The following MGST2 variants were observed in gnomAD, a reference collection of about 807,000 sequenced individuals.
MGST2 encodes microsomal glutathione S-transferase 2, also known as glutathione peroxidase MGST2.
Under a neutral mutation model 16.6 loss-of-function variants are expected in MGST2, and 9 were observed. The observed-to-expected ratio is 0.54, with a 90% CI of 0.33 to 0.95. The LOEUF (loss-of-function observed/expected upper bound fraction) is 0.95. Among genes scored for constraint, MGST2 ranks in the 40% least tolerant of loss-of-function variants. The pLI is 0.03. For synonymous variants in MGST2, 79 were observed against 68.0 expected, an observed-to-expected ratio of 1.16 and a Z score of -0.79; for missense variants, 159 against 175.1, an observed-to-expected ratio of 0.91 and a Z score of 0.52.
chr4:139,719,469 C>T lies in MGST2; in HGVS notation c.*48+15273C>T, dbSNP rs1354411155. 11 of 1,613,888 alleles carry T rather than the reference C, an allele frequency of 6.8e-6. No individual in the cohort carries two copies. In the Admixed American group the frequency reaches 1.8e-4, roughly 27 times the overall value. ...TCGCCACTGTAATTGTATGACACGTCCTGAGGGGCATTCCGCTCATAGGCT... is the reference window on the plus strand; with the variant it reads ...TCGCCACTGTAATTGTATGACACGTTCTGAGGGGCATTCCGCTCATAGGCT... On this transcript the variant is annotated intron_variant, in intron 5 of 5. Coordinates refer to the MGST2 transcript ENST00000616265.
chr4:139,673,006 C>A (rs1478026803), intron 1 of MGST2, among the ~76,000 whole-genome samples: 1 of 152,162 alleles, frequency 6.6e-6, no homozygotes, highest in African/African-American at 2.4e-5. Context: ...AGGGGGAGAT[C>A]ATATCCTGTT....
At chr4:139,742,165 TTGA>T (rs1355897906), downstream of MGST2, among the ~76,000 whole-genome samples, 2 of 147,814 alleles carry the variant, frequency 1.4e-5, no homozygotes, top group Non-Finnish European at 3.0e-5. Flanking sequence ...TTTTTTTTTT[TTGA>T]GAGAGAGTCT....
At chr4:139,720,269 C>G (rs747076119) in intron 5 of MGST2, 1 of 1,587,176 alleles carries the variant, frequency 6.3e-7, no homozygotes, top group Non-Finnish European at 8.6e-7. Context: ...CCGTGACGTT[C>G]GCATGCTCTG....
chr4:139,699,682 C>T (rs927245843), intron 3 of MGST2, among the ~76,000 whole-genome samples: 1 of 152,010 alleles, frequency 6.6e-6, no homozygotes, highest in East Asian at 1.9e-4. Context: ...CCATGTTGTT[C>T]AAGGGTCACC....
intron 1 of MGST2, among the ~76,000 whole-genome samples, chr4:139,675,413 A>G (rs988821079): frequency 1.8e-4 from 27 of 152,338 alleles, no homozygotes; most frequent in Non-Finnish European, 3.2e-4. Context: ...GAAGTGAAAG[A>G]AGTCCACAGA....
Position 139,730,667 on chromosome 4 carries a change from C to T in MGST2, c.*49-9545C>T. The T allele has an allele frequency of 6.2e-6, 10 of 1,610,720 alleles. 1 individual carries two copies. Among genetic ancestry groups the T allele is most frequent in the Non-Finnish European group, 8.5e-6 (10 of 1,178,032 alleles). On this transcript the variant is annotated intron_variant, in intron 5 of 5. Transcript: ENST00000616265. ...CGGGGAAGTCCAACTGGATGCTGCTCCTGGGAAGACAAGAGAGAGGGAGAT... is the reference window on the plus strand; with the variant it reads ...CGGGGAAGTCCAACTGGATGCTGCTTCTGGGAAGACAAGAGAGAGGGAGAT...
intron 5 of MGST2, chr4:139,717,408 A>G (rs1206397293): frequency 6.6e-6 from 1 of 151,998 alleles, no homozygotes; most frequent in Non-Finnish European, 1.5e-5. Context: ...TCTTTGATCC[A>G]CTCAGTTTCC....
At chr4:139,692,722 C>T (rs1465599946) in intron 2 of MGST2, among the ~76,000 whole-genome samples, 1 of 152,224 alleles carries the variant, frequency 6.6e-6, no homozygotes, top group Non-Finnish European at 1.5e-5. Context: ...AAAACATCCC[C>T]TCTATTTTTA....
intron 1 of MGST2, among the ~76,000 whole-genome samples, chr4:139,672,247 T>C (rs72945069): frequency 1.4e-3 from 220 of 152,356 alleles, no homozygotes; most frequent in African/African-American, 5.0e-3. Context: ...GCATTACTAA[T>C]TCATAAGTCT....
At chr4:139,667,800 G>A (rs1405683243) in intron 1 of MGST2, among the ~76,000 whole-genome samples, 1 of 152,138 alleles carries the variant, frequency 6.6e-6, no homozygotes, top group Non-Finnish European at 1.5e-5. Context: ...GGAGGTTGCA[G>A]TGGACTGAGA....
intron 3 of MGST2, among the ~76,000 whole-genome samples, chr4:139,701,622 G>A (rs567431315): frequency 1.3e-5 from 2 of 152,236 alleles, no homozygotes; most frequent in East Asian, 1.9e-4. Flanking sequence ...CAGGGAGCTT[G>A]TATCTTTTTC....
chr4:139,686,974 T>G (rs1019831252), intron 2 of MGST2, among the ~76,000 whole-genome samples: 2 of 152,236 alleles, frequency 1.3e-5, no homozygotes, highest in African/African-American at 2.4e-5. Flanking sequence ...AATTTGACTT[T>G]CTTTGAAGTT....
chr4:139,699,691 C>T (rs1727129448), intron 3 of MGST2, among the ~76,000 whole-genome samples: 1 of 151,700 alleles, frequency 6.6e-6, no homozygotes, highest in African/African-American at 2.4e-5. Context: ...TCAAGGGTCA[C>T]CTATAATTCT....
At chr4:139,724,503 G>C (rs1220667336) in intron 5 of MGST2, among the ~76,000 whole-genome samples, 2 of 152,116 alleles carry the variant, frequency 1.3e-5, no homozygotes, top group Non-Finnish European at 2.9e-5. Flanking sequence ...ATAAAGTTCA[G>C]GGATACTTGT....
At position 139,736,171 on chromosome 4, in the gene MGST2, T is replaced by C. The variant is rs1579376518; in HGVS notation, c.*49-4041T>C. ...AATTGGGTCAAGTAAAAAAAAATTTTTTTTAAAGGAAGGAATCTTTAGCCC... is the reference window on the plus strand; with the variant it reads ...AATTGGGTCAAGTAAAAAAAAATTTCTTTTAAAGGAAGGAATCTTTAGCCC... On this transcript the variant is annotated intron_variant, in intron 5 of 5. Transcript: ENST00000616265. Among the ~76,000 whole-genome samples, 4 of 152,316 alleles carry C rather than the reference T, an allele frequency of 2.6e-5. No individual in the cohort carries two copies. The East Asian group carries it at 5.8e-4, about 22-fold the overall frequency.
chr4:139,734,946 G>C (rs1030924722), intron 5 of MGST2, among the ~76,000 whole-genome samples: 1 of 152,274 alleles, frequency 6.6e-6, no homozygotes, highest in Non-Finnish European at 1.5e-5. Flanking sequence ...GGGCAACGCA[G>C]AGCAGCTGCC....
chr4:139,705,402 C>T (rs1278974872), downstream of MGST2, among the ~76,000 whole-genome samples: 1 of 152,078 alleles, frequency 6.6e-6, no homozygotes, highest in African/African-American at 2.4e-5. Context: ...TGTGCAAATT[C>T]CAGAGGAGTT....
the MGST2 span, among the ~76,000 whole-genome samples, chr4:139,747,695 GA>G: frequency 7.0e-6 from 1 of 142,856 alleles, no homozygotes; most frequent in East Asian, 2.1e-4. Context: ...CTCCCTCTCA[GA>G]AAAGAAAAAA....
chr4:139,753,164 T>A, the MGST2 span, among the ~76,000 whole-genome samples: 1 of 152,162 alleles, frequency 6.6e-6, no homozygotes, highest in African/African-American at 2.4e-5. Context: ...GGGTAAAATA[T>A]ACATAACATA....
Sources: gnomAD v4.1 joint callset for allele counts (sites outside exome capture counted in the v4.1 genomes callset) on GRCh38, gnomAD v4.1.1 for gene constraint, MANE v1.5 for transcripts, NCBI Gene and HGNC (gene_info 2026-07-23, HGNC 2026-07-21) for gene names.